The following CAMK2B variants were observed in gnomAD, a reference collection of about 807,000 sequenced individuals.
CAMK2B encodes the protein calcium/calmodulin-dependent protein kinase type II subunit beta.
A neutral mutation model predicts 93.7 loss-of-function variants in CAMK2B; 27 were observed. The observed-to-expected ratio is 0.29, with a 90% confidence interval of 0.21 to 0.40. The LOEUF (loss-of-function observed/expected upper bound fraction) is 0.40, where lower values mean the gene tolerates loss of function less well. Among genes scored for constraint, CAMK2B ranks in the 10% least tolerant of loss-of-function variants. The probability of loss-of-function intolerance (pLI) is 1.00; values close to 1 mark genes in which losing one functional copy is unlikely to be tolerated. For missense variants in CAMK2B, 568 were observed against 895.8 expected (o/e 0.63, Z 4.67); for synonymous variants, 374 against 358.8 (o/e 1.04, Z -0.48).
intron 2 of CAMK2B, among the ~76,000 whole-genome samples, chr7:44,263,543 T>C (rs1055273968): frequency 1.3e-5 from 2 of 151,698 alleles, no homozygotes; most frequent in East Asian, 3.9e-4. Flanking sequence ...GCCTGGGAGA[T>C]AGGAGTAAAC....
intron 1 of CAMK2B, among the ~76,000 whole-genome samples, chr7:44,313,913 C>T (rs557584151): frequency 6.6e-6 from 1 of 151,980 alleles, no homozygotes; most frequent in African/African-American, 2.4e-5. Context: ...TGCGAAGACA[C>T]TTCGCAGCAG....
chr7:44,282,480 G>C (rs1037322920), intron 2 of CAMK2B, among the ~76,000 whole-genome samples: 11 of 152,228 alleles, frequency 7.2e-5, no homozygotes, highest in African/African-American at 2.7e-4. Context: ...CCTCTGCAGT[G>C]TCACCCTCCC....
rs1313187073 is a variant in CAMK2B, at chr7:44,225,380, C to A, written c.1597+1136G>T. ...AGGCTCTGCGGTGCACCCACCCCAG[C>A]TGCACGGCGGCCCCTCCCCATGCCT... On this transcript the variant is annotated intron_variant, in intron 20 of 23. Coordinates refer to ENST00000395749, the MANE Select transcript of CAMK2B (RefSeq NM_001220.5). The surrounding 1 kb of genome is among the most constrained non-coding windows in gnomAD (Gnocchi z 5.0). Among the ~76,000 whole-genome samples the A allele has an allele frequency of 6.6e-6, 1 of 152,120 alleles. No individual in the cohort carries two copies. Among genetic ancestry groups the A allele is most frequent in the Admixed American group, 6.5e-5 (1 of 15,284 alleles).
chr7:44,267,739 C>T (rs1056623368), intron 2 of CAMK2B, among the ~76,000 whole-genome samples: 1 of 152,124 alleles, frequency 6.6e-6, no homozygotes, highest in Non-Finnish European at 1.5e-5. Flanking sequence ...TTCATTTATA[C>T]CCCCATAAAA....
At chr7:44,320,279 T>G (rs1034686054) in intron 1 of CAMK2B, among the ~76,000 whole-genome samples, 5 of 152,172 alleles carry the variant, frequency 3.3e-5, no homozygotes, top group Admixed American at 2.0e-4. Flanking sequence ...TACATCATGG[T>G]GAGCAGCCGG....
chr7:44,242,738 G>A (rs2096692844), intron 8 of CAMK2B, 84 bp from the exon 9 acceptor site: 1 of 940,482 alleles, frequency 1.1e-6, no homozygotes, highest in Non-Finnish European at 1.7e-6. Flanking sequence ...TCACTGCCTA[G>A]CTCCTGTGGC....
chr7:44,221,466 G>C (rs536605945), intron 20 of CAMK2B, among the ~76,000 whole-genome samples: 1 of 151,086 alleles, frequency 6.6e-6, no homozygotes, highest in Non-Finnish European at 1.5e-5. Flanking sequence ...CCCGGAGGCC[G>C]GGGAGGAGGA....
chr7:44,244,598 C>T (rs1292052601), intron 6 of CAMK2B, among the ~76,000 whole-genome samples: 1 of 152,106 alleles, frequency 6.6e-6, no homozygotes, highest in Non-Finnish European at 1.5e-5. Flanking sequence ...CGGGATCACA[C>T]TGCCGCTTGA....
chr7:44,313,966 G>A (rs760456785), intron 1 of CAMK2B, among the ~76,000 whole-genome samples: 5 of 152,010 alleles, frequency 3.3e-5, no homozygotes, highest in Non-Finnish European at 5.9e-5. Context: ...CCGCATTTCT[G>A]CTGGGGTCCT....
intron 4 of CAMK2B, among the ~76,000 whole-genome samples, chr7:44,256,060 G>A (rs2096830823): frequency 6.6e-6 from 1 of 152,106 alleles, no homozygotes; most frequent in Admixed American, 6.5e-5. Context: ...GCTGTTCTGT[G>A]TCCCCGACCA....
chr7:44,252,850 A>G (rs1443106456), intron 5 of CAMK2B, among the ~76,000 whole-genome samples: 1 of 152,230 alleles, frequency 6.6e-6, no homozygotes, highest in Non-Finnish European at 1.5e-5. Context: ...TTCTAAGTAG[A>G]ATATAAAGGA....
rs530103504 is a variant in CAMK2B at position 44,269,254 on chromosome 7, A to C, written c.161-6190T>G. 1.8e-4 allele frequency among the ~76,000 whole-genome samples: 28 copies of C among 152,318 alleles called. No homozygotes were observed. In the East Asian group the frequency reaches 2.7e-3, roughly 15 times the overall value. On this transcript the variant is annotated intron_variant, in intron 2 of 23. Transcript: ENST00000395749. Reference sequence around the variant, plus strand: ...GGGGCAGGGTAGCCTTCAACATCCCAAAGGCGCACTTGTGCATGGCTCCGG... The same window carrying C: ...GGGGCAGGGTAGCCTTCAACATCCCCAAGGCGCACTTGTGCATGGCTCCGG...
intron 5 of CAMK2B, among the ~76,000 whole-genome samples, chr7:44,253,491 G>A (rs969804560): frequency 3.3e-5 from 5 of 152,240 alleles, no homozygotes; most frequent in African/African-American, 7.2e-5. Context: ...GGAATTACAC[G>A]TGTGAGCCAC....
rs376154330 is a variant in CAMK2B, at chr7:44,233,905, T to C, written c.1131+485A>G. Reference sequence around the variant, plus strand: ...GCACCACCGTGGCCCCGTCTCCCCATGGGCCGTGGAATGTGCCACTATGGG... The same window carrying C: ...GCACCACCGTGGCCCCGTCTCCCCACGGGCCGTGGAATGTGCCACTATGGG... On this transcript the variant is annotated intron_variant, in intron 15 of 23. Coordinates refer to ENST00000395749, the MANE Select transcript of CAMK2B (RefSeq NM_001220.5). Among the ~76,000 whole-genome samples the C allele has an allele frequency of 2.2e-4, 33 of 152,308 alleles. No individual in the cohort carries two copies. The East Asian group carries it at 4.1e-3, about 19-fold the overall frequency.
intron 2 of CAMK2B, among the ~76,000 whole-genome samples, chr7:44,276,618 A>T (rs2097046877): frequency 2.0e-5 from 3 of 152,070 alleles, no homozygotes; most frequent in Admixed American, 2.0e-4. Flanking sequence ...CCCTGGGGAG[A>T]CCAGGTGCCC....
intron 6 of CAMK2B, among the ~76,000 whole-genome samples, chr7:44,245,931 G>A (rs1476690939): frequency 2.0e-5 from 3 of 152,142 alleles, no homozygotes; most frequent in Non-Finnish European, 4.4e-5. Context: ...CAAGCCTTGG[G>A]GAAGGTGGGG....
chr7:44,316,747 G>A (rs1267625046), intron 1 of CAMK2B, among the ~76,000 whole-genome samples: 2 of 152,270 alleles, frequency 1.3e-5, no homozygotes, highest in Non-Finnish European at 2.9e-5. Flanking sequence ...TCAGTAGTTT[G>A]TGTCTTTCTA....
chr7:44,308,648 G>A (rs1334692417), intron 1 of CAMK2B, among the ~76,000 whole-genome samples: 1 of 152,186 alleles, frequency 6.6e-6, no homozygotes. Flanking sequence ...GAAGATGAAG[G>A]CAGGAGTGAC....
At chr7:44,234,257 G>A (rs1209814076) in intron 15 of CAMK2B, 133 bp downstream of exon 15, 1 of 725,954 alleles carries the variant, frequency 1.4e-6, no homozygotes, top group East Asian at 2.8e-5. Flanking sequence ...TGAGGGGCGG[G>A]GGCCATGCGA....
Sources: allele counts gnomAD v4.1 joint callset (sites outside exome capture counted in the v4.1 genomes callset), GRCh38; gene constraint gnomAD v4.1.1; non-coding constraint Gnocchi (gnomAD v3.1); transcripts MANE v1.5; gene names NCBI Gene and HGNC (gene_info 2026-07-23, HGNC 2026-07-21).